The following KCNAB2 variants were observed in gnomAD, a reference collection of about 807,000 sequenced individuals.
KCNAB2 encodes the protein voltage-gated potassium channel subunit beta-2.
In KCNAB2, 29 loss-of-function variants were observed where a neutral mutation model predicts 63.6. The observed-to-expected ratio is 0.46, with a 90% CI of 0.34 to 0.62. The LOEUF is 0.62. Among genes scored for constraint, KCNAB2 ranks in the 20% least tolerant of loss-of-function variants. KCNAB2 has a pLI of 0.01. For synonymous variants in KCNAB2, 222 were observed against 224.2 expected, an observed-to-expected ratio of 0.99 and a Z score of 0.09; for missense variants, 359 against 563.9, an observed-to-expected ratio of 0.64 and a Z score of 3.68.
chr1:6,051,509 A>G lies in KCNAB2; in HGVS notation c.-26-2A>G. ...CTGTCTAACTCATCACCGTCTGGAC[A>G]GTGGCAGCTCCCAAGCCAGGCGGCA... On this transcript the variant is annotated splice_acceptor_variant, in intron 1 of 15. Transcript: ENST00000378083. LOFTEE classifies it low-confidence loss of function (5UTR_SPLICE). 6.7e-7 allele frequency: 1 copy of G among 1,496,092 alleles called. No homozygotes were observed. The allele number at this position is 1,496,092 out of a possible 1,614,324, so 92.7% of individuals were successfully genotyped here.
At chr1:6,084,555 C>A (rs558402671) in intron 5 of KCNAB2, among the ~76,000 whole-genome samples, 125 of 152,362 alleles carry the variant, frequency 8.2e-4, no homozygotes, top group Non-Finnish European at 9.4e-4. Flanking sequence ...GTGGCTCACG[C>A]CTGGAATCCC....
chr1:6,011,400 A>C (rs1658138937), intron 1 of KCNAB2, among the ~76,000 whole-genome samples: 1 of 147,284 alleles, frequency 6.8e-6, no homozygotes, highest in Non-Finnish European at 1.5e-5. Context: ...GCCCAGGGCC[A>C]GGTGTGCGGG....
chr1:6,080,389 G>C (rs1348684743), intron 4 of KCNAB2, among the ~76,000 whole-genome samples: 3 of 152,212 alleles, frequency 2.0e-5, no homozygotes, highest in East Asian at 1.9e-4. Context: ...AGGAGGCTGG[G>C]GGGGCAGCAG....
At position 6,096,235 on chromosome 1, in the gene KCNAB2, TC is replaced by T. The variant is rs1044597543; in HGVS notation, c.949-399del. On this transcript the variant is annotated intron_variant, in intron 13 of 15. Coordinates refer to ENST00000378083, the MANE Select transcript of KCNAB2 (RefSeq NM_001199862.2). The surrounding 1 kb of genome is among the most constrained non-coding windows in gnomAD (Gnocchi z 5.9). ...GGCCCCCCTCCAGGAGGCCCTGCAATCCTCTGGGGGGGATGGCCAGGGGAGA... is the reference window on the plus strand; with the variant it reads ...GGCCCCCCTCCAGGAGGCCCTGCAATCTCTGGGGGGGATGGCCAGGGGAGA... 9 of 441,884 alleles carry T rather than the reference TC, an allele frequency of 2.0e-5. No homozygotes were observed. In the Admixed American group the frequency reaches 2.3e-4, roughly 11 times the overall value. The allele number at this position is 441,884 out of a possible 1,614,324, so 27.4% of individuals were successfully genotyped here.
chr1:6,054,967 A>G (rs1661688618), intron 2 of KCNAB2, among the ~76,000 whole-genome samples: 1 of 152,064 alleles, frequency 6.6e-6, no homozygotes, highest in African/African-American at 2.4e-5. Flanking sequence ...CTTTTGACTT[A>G]GTTATAGGAA....
chr1:6,026,802 T>G (rs1366403699), intron 1 of KCNAB2, among the ~76,000 whole-genome samples: 2 of 152,200 alleles, frequency 1.3e-5, no homozygotes, highest in Non-Finnish European at 2.9e-5. Context: ...GAGAGCCATG[T>G]GGGGCCACCT....
At chr1:6,013,203 C>G (rs1190883686) in intron 1 of KCNAB2, among the ~76,000 whole-genome samples, 2 of 152,152 alleles carry the variant, frequency 1.3e-5, no homozygotes, top group African/African-American at 2.4e-5. Flanking sequence ...GGTGTCAGTT[C>G]CTGTTCCGGG....
intron 4 of KCNAB2, among the ~76,000 whole-genome samples, chr1:6,080,166 C>T (rs975030415): frequency 1.2e-4 from 18 of 152,310 alleles, no homozygotes; most frequent in South Asian, 4.1e-4. Flanking sequence ...TTAGCCCCTT[C>T]GGGGCCCAGC....
At chr1:6,080,853 C>G (rs1490546396) in intron 4 of KCNAB2, among the ~76,000 whole-genome samples, 2 of 152,246 alleles carry the variant, frequency 1.3e-5, no homozygotes, top group African/African-American at 2.4e-5. Context: ...AGGAGAGACG[C>G]AGCCCTGTGA....
chr1:6,095,549 G>A lies in KCNAB2; in HGVS notation c.873G>A (p.Trp291Ter), dbSNP rs2100789103. The A allele has an allele frequency of 6.2e-7, 1 of 1,613,346 alleles. No homozygotes were observed. The highest frequency in any genetic ancestry group is 1.1e-5 in the South Asian group (1 of 91,076). ...CTTCAGGAGTGGGCGCCATGACCTGGTCCCCTCTGGCCTGTGGCATTGTTT... is the reference window on the plus strand; with the variant it reads ...CTTCAGGAGTGGGCGCCATGACCTGATCCCCTCTGGCCTGTGGCATTGTTT... ...FHKIGVGAMT[W>*]SPLACGIVSG... is the part of the protein sequence containing the mutation. Residue 291 changes from tryptophan (W) to a stop codon, truncating the protein, a stop_gained, in exon 13 of 16, where the codon TGG (tryptophan) becomes TGA (stop). Transcript: ENST00000378083. LOFTEE classifies it high-confidence loss of function.
intron 4 of KCNAB2, among the ~76,000 whole-genome samples, chr1:6,081,003 C>G (rs548026257): frequency 7.5e-4 from 114 of 152,334 alleles, no homozygotes; most frequent in Non-Finnish European, 1.4e-3. Flanking sequence ...GGAAGCAGCC[C>G]TGTCCGAGAG....
At chr1:6,010,579 A>C (rs750255365) in intron 1 of KCNAB2, among the ~76,000 whole-genome samples, 1 of 152,234 alleles carries the variant, frequency 6.6e-6, no homozygotes, top group African/African-American at 2.4e-5. Flanking sequence ...GATTGAAGAG[A>C]GTGCCCCTGG....
At chr1:6,097,701 A>T (rs534910258) in intron 15 of KCNAB2, 1 of 526,822 alleles carries the variant, frequency 1.9e-6, no homozygotes, top group African/African-American at 1.9e-5. Context: ...GTGCTTGAGC[A>T]GTCTTGAGAG....
At chr1:6,052,974 C>T (rs1306470432) in intron 2 of KCNAB2, among the ~76,000 whole-genome samples, 1 of 152,130 alleles carries the variant, frequency 6.6e-6, no homozygotes, top group Non-Finnish European at 1.5e-5. Context: ...GTGCTCTGTG[C>T]AGAGTGGAGT....
chr1:6,094,391 T>G lies in KCNAB2; in HGVS notation c.647-9T>G. 1 of 1,605,738 alleles carries G rather than the reference T, an allele frequency of 6.2e-7. No individual in the cohort carries two copies. Among genetic ancestry groups the G allele is most frequent in the Non-Finnish European group, 8.5e-7 (1 of 1,176,630 alleles). ...CCCCCACCTGCGGTTTCCCTTTCTCTCACGACAGAGACCGTCCGCGCCATG... is the reference window on the plus strand; with the variant it reads ...CCCCCACCTGCGGTTTCCCTTTCTCGCACGACAGAGACCGTCCGCGCCATG... On this transcript the variant is annotated splice_polypyrimidine_tract_variant and intron_variant, in intron 10 of 15. Coordinates refer to ENST00000378083, the MANE Select transcript of KCNAB2 (RefSeq NM_001199862.2).
chr1:6,089,622 C>T (rs1353031578), intron 8 of KCNAB2, among the ~76,000 whole-genome samples: 2 of 152,242 alleles, frequency 1.3e-5, no homozygotes, highest in Admixed American at 6.5e-5. Flanking sequence ...CCCAACCCAG[C>T]GTTTCACTCT....
rs1659979741 is a variant in KCNAB2 at position 6,035,686 on chromosome 1, G to A, written c.-53+892G>A. ...CTCAGTGTCTGACCCAGGAATCCGA[G>A]GCACACGTTCCCCACCCTCATAGCT... On this transcript the variant is annotated intron_variant, in intron 1 of 15. Transcript: ENST00000164247. This position sits in a 1 kb window ranked among gnomAD's most constrained non-coding sequence, Gnocchi z 5.0. Among the ~76,000 whole-genome samples the A allele has an allele frequency of 6.6e-6, 1 of 151,942 alleles. No homozygotes were observed. Among genetic ancestry groups the A allele is most frequent in the African/African-American group, 2.4e-5 (1 of 41,360 alleles).
At chr1:6,054,726 T>C (rs1225806918) in intron 2 of KCNAB2, among the ~76,000 whole-genome samples, 1 of 152,212 alleles carries the variant, frequency 6.6e-6, no homozygotes, top group African/African-American at 2.4e-5. Flanking sequence ...TAGTGGCCTG[T>C]GATCATTCTG....
At chr1:6,095,465 G>GCGCCC in intron 12 of KCNAB2, 22 bp downstream of exon 12, 81 of 1,585,412 alleles carry the variant, frequency 5.1e-5, no homozygotes, top group Non-Finnish European at 6.5e-5. Flanking sequence ...CGGGCCCCTC[G>GCGCCC]CCCCGCCCCA....
Sources: gnomAD v4.1 joint callset for allele counts (sites outside exome capture counted in the v4.1 genomes callset) on GRCh38, gnomAD v4.1.1 for gene constraint, Gnocchi (gnomAD v3.1) non-coding constraint, MANE v1.5 for transcripts, NCBI Gene and HGNC (gene_info 2026-07-23, HGNC 2026-07-21) for gene names.